Variants in SPATA6 observed in about 807,000 individuals in gnomAD.
SPATA6 encodes spermatogenesis-associated protein 6.
A neutral mutation model predicts 65.3 loss-of-function variants in SPATA6; 56 were observed. The ratio of observed to expected loss-of-function variants is 0.86; its 90% CI spans 0.69 to 1.07. The LOEUF (loss-of-function observed/expected upper bound fraction) is 1.07, where lower values mean the gene tolerates loss of function less well. SPATA6 is among the 50% of genes least tolerant of loss of function. The pLI, the probability that SPATA6 is intolerant of heterozygous loss-of-function variation, is 0.00. For synonymous variants in SPATA6, 199 were observed against 213.2 expected (o/e 0.93, Z 0.58); for missense variants, 590 against 594.8 (o/e 0.99, Z 0.08).
chr1:48,275,657 T>C, the SPATA6 span, among the ~76,000 whole-genome samples: 1 of 152,212 alleles, frequency 6.6e-6, no homozygotes, highest in Non-Finnish European at 1.5e-5. Flanking sequence ...GATTCGCATA[T>C]GTTTTTATGG....
intron 3 of SPATA6, among the ~76,000 whole-genome samples, chr1:48,440,315 C>T (rs1330040057): frequency 6.6e-6 from 1 of 152,152 alleles, no homozygotes; most frequent in Non-Finnish European, 1.5e-5. Flanking sequence ...ATACAGATGT[C>T]CTACAGGGTC....
intron 1 of SPATA6, among the ~76,000 whole-genome samples, chr1:48,463,775 A>G (rs1367123804): frequency 1.3e-5 from 2 of 152,130 alleles, no homozygotes; most frequent in East Asian, 3.9e-4. Flanking sequence ...TGTTTTAAAA[A>G]TAAGTGAAAA....
At chr1:48,322,220 AC>A (rs1199798454) in intron 11 of SPATA6, among the ~76,000 whole-genome samples, 4 of 152,112 alleles carry the variant, frequency 2.6e-5, no homozygotes, top group Non-Finnish European at 5.9e-5. Flanking sequence ...ATAAAACAAT[AC>A]AAAAGATGAA....
chr1:48,463,902 A>G (rs1225319709), intron 1 of SPATA6, among the ~76,000 whole-genome samples: 1 of 152,170 alleles, frequency 6.6e-6, no homozygotes, highest in Non-Finnish European at 1.5e-5. Context: ...TCCTGACTTA[A>G]AAGAACTTAT....
chr1:48,267,599 G>C, the SPATA6 span, among the ~76,000 whole-genome samples: 3 of 151,944 alleles, frequency 2.0e-5, no homozygotes, highest in Non-Finnish European at 4.4e-5. Context: ...CAAATTCTGC[G>C]TTGTCCTACC....
At chr1:48,413,205 TA>T in intron 3 of SPATA6, 54 bp from the exon 4 acceptor site, 1 of 1,048,830 alleles carries the variant, frequency 9.5e-7, no homozygotes, top group Non-Finnish European at 1.3e-6. Flanking sequence ...ACAAAAAAAT[TA>T]CTTAATTTAC....
At chr1:48,461,748 A>G (rs1260712465) in intron 1 of SPATA6, among the ~76,000 whole-genome samples, 3 of 152,192 alleles carry the variant, frequency 2.0e-5, no homozygotes, top group Non-Finnish European at 4.4e-5. Flanking sequence ...TGTTGGTGGG[A>G]CTGTAAACTA....
intron 1 of SPATA6, among the ~76,000 whole-genome samples, chr1:48,471,633 C>G (rs1296091807): frequency 6.6e-6 from 1 of 152,128 alleles, no homozygotes; most frequent in Non-Finnish European, 1.5e-5. Context: ...GAAAAGCCCC[C>G]GCGCCGCGCA....
intron 9 of SPATA6, among the ~76,000 whole-genome samples, chr1:48,374,000 T>A (rs1284283236): frequency 3.3e-5 from 5 of 152,268 alleles, no homozygotes; most frequent in African/African-American, 1.2e-4. Context: ...ATCCACATAA[T>A]TTCCATGCAC....
chr1:48,333,932 T>G (rs1645986604), intron 11 of SPATA6, among the ~76,000 whole-genome samples: 1 of 152,058 alleles, frequency 6.6e-6, no homozygotes, highest in Admixed American at 6.6e-5. Flanking sequence ...AACACTATAA[T>G]AAATGACAAA....
the SPATA6 span, among the ~76,000 whole-genome samples, chr1:48,279,157 G>A: frequency 6.6e-6 from 1 of 152,178 alleles, no homozygotes; most frequent in East Asian, 1.9e-4. Flanking sequence ...CACCAGGCCT[G>A]CCCTAAAAGA....
chr1:48,272,775 G>A, the SPATA6 span, among the ~76,000 whole-genome samples: 1 of 152,104 alleles, frequency 6.6e-6, no homozygotes, highest in East Asian at 1.9e-4. Flanking sequence ...TTCCATAACG[G>A]CTATGGAAAA....
chr1:48,339,810 C>T (rs1004776718), intron 11 of SPATA6, among the ~76,000 whole-genome samples: 1 of 151,592 alleles, frequency 6.6e-6, no homozygotes, highest in Admixed American at 6.6e-5. Context: ...ATTGAACACC[C>T]GAAGAGTAAG....
intron 11 of SPATA6, among the ~76,000 whole-genome samples, chr1:48,320,238 A>G (rs1645562447): frequency 6.6e-6 from 1 of 152,248 alleles, no homozygotes; most frequent in African/African-American, 2.4e-5. Flanking sequence ...CTAGATAAAG[A>G]TATTGGTAAT....
chr1:48,389,273 C>T (rs1649810812), intron 8 of SPATA6, among the ~76,000 whole-genome samples: 1 of 152,124 alleles, frequency 6.6e-6, no homozygotes, highest in African/African-American at 2.4e-5. Context: ...TGAACAAAAC[C>T]TTTGTGATCT....
intron 3 of SPATA6, among the ~76,000 whole-genome samples, chr1:48,439,192 C>T (rs1011790259): frequency 2.0e-5 from 3 of 152,062 alleles, no homozygotes; most frequent in African/African-American, 7.2e-5. Flanking sequence ...CCACTAAATC[C>T]AATTTTTCTC....
chr1:48,369,346 G>C (rs201985398), intron 9 of SPATA6, among the ~76,000 whole-genome samples: 3 of 151,918 alleles, frequency 2.0e-5, no homozygotes, highest in Non-Finnish European at 4.4e-5. Flanking sequence ...TAAGTCTGCT[G>C]TCTTTTTGTT....
the SPATA6 span, among the ~76,000 whole-genome samples, chr1:48,277,772 C>A: frequency 6.6e-6 from 1 of 152,216 alleles, no homozygotes; most frequent in Non-Finnish European, 1.5e-5. Context: ...AACAAAAAGA[C>A]AGCAGTAACC....
At chr1:48,283,693 AAAAAAAAG>A in the SPATA6 span, among the ~76,000 whole-genome samples, 12 of 7,876 alleles carry the variant, frequency 1.5e-3, no homozygotes, top group African/African-American at 3.1e-3. Context: ...AAAAAAAAAA[AAAAAAAAG>A]AAAGAAAGAA....
Sources: gnomAD v4.1 joint callset for allele counts (sites outside exome capture counted in the v4.1 genomes callset) on GRCh38, gnomAD v4.1.1 for gene constraint, MANE v1.5 for transcripts, NCBI Gene and HGNC (gene_info 2026-07-23, HGNC 2026-07-21) for gene names.